Variants in CDH13 observed in about 807,000 individuals in gnomAD.
The protein encoded by CDH13 is cadherin 13, also known as cadherin-13.
A neutral mutation model predicts 63.8 loss-of-function variants in CDH13; 24 were observed. The ratio of observed to expected loss-of-function variants is 0.38; its 90% confidence interval spans 0.27 to 0.53. The LOEUF is 0.53. Among genes scored for constraint, CDH13 ranks in the 20% least tolerant of loss-of-function variants. The pLI is 0.85. For synonymous variants in CDH13, 503 were observed against 355.3 expected (o/e 1.42, Z -4.67); for missense variants, 1,049 against 903.1 (o/e 1.16, Z -2.07).
chr16:82,696,628 A>AT (rs2030324761), intron 1 of CDH13, among the ~76,000 whole-genome samples: 1 of 152,346 alleles, frequency 6.6e-6, no homozygotes, highest in South Asian at 2.1e-4. Context: ...CAGGCCCTAC[A>AT]TGACTCTTAT....
intron 1 of CDH13, among the ~76,000 whole-genome samples, chr16:82,786,032 A>G (rs560738844): frequency 6.6e-6 from 1 of 152,280 alleles, no homozygotes; most frequent in South Asian, 2.1e-4. Flanking sequence ...AGAATGATGG[A>G]GTGAGTGCTT....
chr16:83,605,470 C>T (rs1166896749), intron 8 of CDH13, among the ~76,000 whole-genome samples: 2 of 152,182 alleles, frequency 1.3e-5, no homozygotes, highest in Non-Finnish European at 2.9e-5. Context: ...GTTCACATCC[C>T]ACTGACCAGC....
At chr16:83,322,643 G>T (rs1235329846) in intron 5 of CDH13, among the ~76,000 whole-genome samples, 1 of 152,112 alleles carries the variant, frequency 6.6e-6, no homozygotes, top group Non-Finnish European at 1.5e-5. Context: ...GTGAGCAGGG[G>T]GTGCCCAGAT....
chr16:83,678,423 T>C lies in CDH13; in HGVS notation c.1500T>C (p.Asn500=), dbSNP rs1287175481. The C allele has an allele frequency of 6.2e-7, 1 of 1,613,948 alleles. No homozygotes were observed. The highest frequency in any genetic ancestry group is 1.7e-5 in the Admixed American group (1 of 60,022). The change falls in exon 10 of 14, where the codon AAT becomes AAC. Residue 500 remains asparagine (N), a synonymous_variant. Transcript: ENST00000567109. The part of the protein sequence containing the change: ...LSVGSVLLTV[N]ATDPDSLQHQ... ...TGGGCAGCGTGCTGCTGACAGTGAA[T>C]GCCACGGACCCCGACTCCCTGCAGC...
intron 3 of CDH13, among the ~76,000 whole-genome samples, chr16:83,065,363 G>A (rs2031919390): frequency 1.3e-5 from 2 of 152,140 alleles, no homozygotes; most frequent in Admixed American, 1.3e-4. Flanking sequence ...GGTAAGATGG[G>A]ATGGAGAAGT....
intron 5 of CDH13, among the ~76,000 whole-genome samples, chr16:83,221,768 T>C (rs149196612): frequency 7.9e-5 from 12 of 152,102 alleles, no homozygotes; most frequent in Admixed American, 2.0e-4. Flanking sequence ...TTCACACTGA[T>C]CTGTTGTCCA....
chr16:83,366,263 C>G (rs2091255594), intron 6 of CDH13, among the ~76,000 whole-genome samples: 2 of 152,172 alleles, frequency 1.3e-5, no homozygotes, highest in African/African-American at 4.8e-5. Context: ...CAACATCATT[C>G]TTAAATTAAA....
rs937572045 is a variant in CDH13 at position 83,171,619 on chromosome 16, G to C, written c.484-45726G>C. The C allele has an allele frequency of 5.6e-6, 8 of 1,437,132 alleles. No individual in the cohort carries two copies. The South Asian group carries it at 6.1e-5, about 11-fold the overall frequency. The allele number at this position is 1,437,132 out of a possible 1,614,324, so 89.0% of individuals were successfully genotyped here. ...TCTGTGTCTCTATCTTCATTTCCTT[G>C]TTTGTGTCTCCAATTTCCTATATGC... On this transcript the variant is annotated intron_variant, in intron 4 of 13. Transcript: ENST00000567109.
chr16:83,515,618 T>A (rs1322917686), intron 7 of CDH13, among the ~76,000 whole-genome samples: 1 of 152,202 alleles, frequency 6.6e-6, no homozygotes, highest in Non-Finnish European at 1.5e-5. Flanking sequence ...TAAAAAGCAG[T>A]GTAAAATTTC....
intron 2 of CDH13, among the ~76,000 whole-genome samples, chr16:82,951,458 C>T (rs909854778): frequency 6.6e-6 from 1 of 152,194 alleles, no homozygotes; most frequent in Non-Finnish European, 1.5e-5. Flanking sequence ...CTTTTCATCT[C>T]CTCCCAAGCC....
intron 7 of CDH13, among the ~76,000 whole-genome samples, chr16:83,568,077 A>C (rs890892375): frequency 6.6e-6 from 1 of 152,182 alleles, no homozygotes; most frequent in Non-Finnish European, 1.5e-5. Context: ...TCCGGTTAGC[A>C]GAGCTTCCCA....
At chr16:83,789,352 TCTG>T (rs1567597847) in intron 13 of CDH13, among the ~76,000 whole-genome samples, 4 of 138,866 alleles carry the variant, frequency 2.9e-5, no homozygotes, top group African/African-American at 8.0e-5. Context: ...TTTTTGTTTG[TCTG>T]TTTTGTTTTA....
intron 7 of CDH13, among the ~76,000 whole-genome samples, chr16:83,533,127 G>T (rs1012744495): frequency 6.6e-6 from 1 of 152,268 alleles, no homozygotes; most frequent in South Asian, 2.1e-4. Flanking sequence ...AGAGGAGAGC[G>T]AGATGCTAAC....
At chr16:83,379,262 G>C (rs2091513108) in intron 6 of CDH13, among the ~76,000 whole-genome samples, 1 of 152,124 alleles carries the variant, frequency 6.6e-6, no homozygotes, top group African/African-American at 2.4e-5. Context: ...TCCCTCAAGT[G>C]TCAACTAAAA....
intron 7 of CDH13, among the ~76,000 whole-genome samples, chr16:83,540,244 C>T (rs1249493749): frequency 1.3e-5 from 2 of 151,914 alleles, no homozygotes; most frequent in African/African-American, 2.4e-5. Context: ...CTCAGTATAC[C>T]ACTGGAGGCT....
chr16:83,600,078 T>C (rs1229846475), intron 7 of CDH13, among the ~76,000 whole-genome samples: 3 of 152,152 alleles, frequency 2.0e-5, no homozygotes, highest in African/African-American at 4.8e-5. Context: ...TTCAAGCATC[T>C]ATACCGAGAG....
At chr16:83,370,613 C>G (rs1022432618) in intron 6 of CDH13, among the ~76,000 whole-genome samples, 1 of 152,152 alleles carries the variant, frequency 6.6e-6, no homozygotes, top group Non-Finnish European at 1.5e-5. Context: ...TTCTCACCCT[C>G]TTCCCACCCT....
At chr16:83,510,720 C>G (rs1025945157) in intron 7 of CDH13, among the ~76,000 whole-genome samples, 2 of 152,190 alleles carry the variant, frequency 1.3e-5, no homozygotes, top group Non-Finnish European at 2.9e-5. Context: ...TAGATAGAGC[C>G]AAACTGTCTA....
intron 3 of CDH13, among the ~76,000 whole-genome samples, chr16:83,114,834 G>A (rs1207433533): frequency 1.3e-5 from 2 of 152,198 alleles, no homozygotes; most frequent in African/African-American, 4.8e-5. Context: ...TGAACCATGT[G>A]TTTGATTGCA....
Sources: allele counts gnomAD v4.1 joint callset (sites outside exome capture counted in the v4.1 genomes callset), GRCh38; gene constraint gnomAD v4.1.1; transcripts MANE v1.5; gene names NCBI Gene and HGNC (gene_info 2026-07-23, HGNC 2026-07-21).